KDM5B: variants seen among roughly 807,000 people sequenced by gnomAD.
KDM5B encodes lysine demethylase 5B, also known as lysine-specific demethylase 5B.
A neutral mutation model predicts 193.4 loss-of-function variants in KDM5B; 144 were observed. The ratio of observed to expected loss-of-function variants is 0.74; its 90% confidence interval spans 0.65 to 0.86. KDM5B has a LOEUF of 0.86. KDM5B is among the 40% of genes least tolerant of loss of function. The pLI is 0.00. For synonymous variants in KDM5B, 668 were observed against 682.6 expected (o/e 0.98, Z 0.33); for missense variants, 1,833 against 1,886.9 (o/e 0.97, Z 0.53).
At position 202,727,394 on chromosome 1, in the gene KDM5B, C is replaced by T. The variant is rs1654712447; in HGVS notation, c.*1642G>A. ...CACAACAACTGCAGAAAACTGCAGA[C>T]AACTAGAAGTCATTCTTAAAGAGAT... On this transcript the variant is annotated 3_prime_UTR_variant, in exon 27 of 27. Coordinates refer to ENST00000367265, the MANE Select transcript of KDM5B (RefSeq NM_006618.5). The T allele has an allele frequency of 6.6e-6, 1 of 152,530 alleles. No individual in the cohort carries two copies. Among genetic ancestry groups the T allele is most frequent in the African/African-American group, 2.4e-5 (1 of 41,418 alleles). 9.4% of individuals were successfully genotyped at this position (152,530 alleles called of 1,614,324 possible). A position where few individuals can be genotyped will look rare whatever the true frequency, so the allele number is the denominator to read the frequency against.
chr1:202,729,547 T>A, intron 26 of KDM5B, 160 bp downstream of exon 26: 1 of 634,504 alleles, frequency 1.6e-6, no homozygotes, highest in Non-Finnish European at 2.7e-6. Flanking sequence ...CCAGGAACGA[T>A]GGTAAGAGCA....
At position 202,808,282 on chromosome 1, in the gene KDM5B, G is replaced by A. The variant is rs1658398832; in HGVS notation, c.24C>T (p.His8=). The change falls in exon 1 of 27, where the codon CAC becomes CAT. Residue 8 remains histidine, a synonymous_variant. Coordinates refer to ENST00000367265, the MANE Select transcript of KDM5B (RefSeq NM_006618.5). ...GGGGCAGCGCCGGGCGCGGGCCTGG[G>A]TGCAGTGTGGTGGCCGCCTCCATCA... MEAATTL[H]PGPRPALPLG... 1 of 1,604,102 alleles carries A rather than the reference G, an allele frequency of 6.2e-7. No homozygotes were observed. The highest frequency in any genetic ancestry group is 1.3e-5 in the African/African-American group (1 of 74,614).
rs368802352 is a variant in KDM5B at position 202,765,851 on chromosome 1, A to G, written c.711+1075T>C. Among the ~76,000 whole-genome samples the G allele has an allele frequency of 1.1e-4, 17 of 152,280 alleles. 1 individual carries two copies. The highest frequency in any genetic ancestry group is 6.5e-4 in the Admixed American group (10 of 15,292). On this transcript the variant is annotated intron_variant, in intron 5 of 26. Coordinates refer to ENST00000367265, the MANE Select transcript of KDM5B (RefSeq NM_006618.5). ...CCCAGCTCTAAACAGTTCCCTATAT[A>G]TTATCTCTGAGTCCTAAAACTCACA...
chr1:202,729,682 C>A, intron 26 of KDM5B, 25 bp downstream of exon 26: 1 of 1,594,078 alleles, frequency 6.3e-7, no homozygotes, highest in Non-Finnish European at 8.6e-7. Flanking sequence ...GAAAGCACGT[C>A]CTCTATGGCC....
chr1:202,779,042 A>T (rs1657082993), intron 1 of KDM5B, among the ~76,000 whole-genome samples: 1 of 152,222 alleles, frequency 6.6e-6, no homozygotes, highest in South Asian at 2.1e-4. Flanking sequence ...AAAAAGGCTC[A>T]CAATAGTGGT....
At position 202,733,753 on chromosome 1, in the gene KDM5B, G is replaced by A; in HGVS notation, c.3557C>T (p.Ala1186Val). 1 of 1,614,178 alleles carries A rather than the reference G, an allele frequency of 6.2e-7. No homozygotes were observed. The highest frequency in any genetic ancestry group is 8.5e-7 in the Non-Finnish European group (1 of 1,180,028). The part of the protein sequence containing the change: ...IKICLCQKAP[A>V]APMIQCELCR... Reference sequence around the variant, plus strand: ...GAGTTCACATTGAATCATAGGGGCAGCTGGGGCCTTCTGACATAGGCAGAT... The same window carrying A: ...GAGTTCACATTGAATCATAGGGGCAACTGGGGCCTTCTGACATAGGCAGAT... The change falls in exon 23 of 27, where the codon GCT becomes GTT. Residue 1186 changes from alanine to valine, a missense_variant. Around this residue, in one of 3 missense-constraint regions of KDM5B, gnomAD observed 1,379 missense variants for 1,349.6 expected, o/e 1.02. Coordinates refer to ENST00000367265, the MANE Select transcript of KDM5B (RefSeq NM_006618.5).
chr1:202,747,578 A>AAC (rs1655611226), intron 14 of KDM5B, among the ~76,000 whole-genome samples: 2 of 151,932 alleles, frequency 1.3e-5, no homozygotes, highest in Admixed American at 1.3e-4. Flanking sequence ...TTAAAAAAAA[A>AAC]AAAAAAAACA....
chr1:202,771,879 T>A (rs899927015), intron 4 of KDM5B, among the ~76,000 whole-genome samples: 1 of 151,976 alleles, frequency 6.6e-6, no homozygotes, highest in Non-Finnish European at 1.5e-5. Context: ...CGCGCCCGGC[T>A]CACATTCAAC....
chr1:202,792,951 C>G (rs1657698322), intron 1 of KDM5B, among the ~76,000 whole-genome samples: 1 of 151,036 alleles, frequency 6.6e-6, no homozygotes, highest in African/African-American at 2.4e-5. Flanking sequence ...GAGCCAAGAC[C>G]GTGCCATTGC....
chr1:202,747,958 A>AT (rs1297343120), intron 14 of KDM5B, among the ~76,000 whole-genome samples: 9 of 152,070 alleles, frequency 5.9e-5, no homozygotes, highest in African/African-American at 1.7e-4. Context: ...AGATAAAACA[A>AT]TTTTTTAAAA....
At position 202,732,131 on chromosome 1, in the gene KDM5B, G is replaced by C. The variant is rs1162941449; in HGVS notation, c.3910-192C>G. On this transcript the variant is annotated intron_variant, in intron 23 of 26. Transcript: ENST00000367265. ...CCAAATCAACTCATATCTTCCCAAA[G>C]ACCAAGCCTTTAATCTTTCCAGTTT... 20 of 538,456 alleles carry C rather than the reference G, an allele frequency of 3.7e-5. No homozygotes were observed. The South Asian group carries it at 4.3e-4, about 12-fold the overall frequency. The allele number at this position is 538,456 out of a possible 1,614,324, so 33.4% of individuals were successfully genotyped here.
In KDM5B at chr1:202,733,675, C is replaced by T. The variant is rs754820992; in HGVS notation, c.3635G>A (p.Gly1212Asp). The change falls in exon 23 of 27, where the codon GGC (glycine) becomes GAC (aspartate). Residue 1212 changes from glycine to aspartate, a missense_variant. Physicochemically the swap from Gly to Asp is moderately conservative, Grantham distance 94. Transcript: ENST00000367265. ...SCVAVPSISQ[G>D]LRIWLCPHCR... ...ATGGGGACAAAGCCAGATTCGCAGGCCCTGTGAAATACTGGGTACCGCCAC... is the reference window on the plus strand; with the variant it reads ...ATGGGGACAAAGCCAGATTCGCAGGTCCTGTGAAATACTGGGTACCGCCAC... 5 of 1,614,138 alleles carry T rather than the reference C, an allele frequency of 3.1e-6. No individual in the cohort carries two copies. Among genetic ancestry groups the T allele is most frequent in the Non-Finnish European group, 3.4e-6 (4 of 1,180,024 alleles).
chr1:202,784,891 G>A (rs919952652), intron 1 of KDM5B, among the ~76,000 whole-genome samples: 26 of 151,942 alleles, frequency 1.7e-4, no homozygotes, highest in Admixed American at 1.5e-3. Flanking sequence ...AAAATTGGCC[G>A]GGCATTGTGG....
At chr1:202,747,569 T>TA (rs71564198) in intron 14 of KDM5B, among the ~76,000 whole-genome samples, 3,862 of 129,108 alleles carry the variant, frequency 0.03, 73 homozygotes, top group African/African-American at 0.058. Context: ...CACATATTTT[T>TA]AAAAAAAAAA....
At chr1:202,780,237 A>G (rs1323731808) in intron 1 of KDM5B, among the ~76,000 whole-genome samples, 1 of 152,086 alleles carries the variant, frequency 6.6e-6, no homozygotes, top group East Asian at 1.9e-4. Flanking sequence ...CTGGAATGCA[A>G]TGGCACAGTC....
rs1185279885 is a variant in KDM5B, at chr1:202,749,076, G to A, written c.1885C>T (p.His629Tyr). ...GCCATCTTGCAGATCATCTCATCGT[G>A]GGAAAACACACAATATCGATGAAGC... ...RLLHRYCVFSHDEMICKMASK... is the reference protein window; with the variant it reads ...RLLHRYCVFSYDEMICKMASK... Residue 629 changes from histidine (H) to tyrosine (Y), a missense_variant, in exon 14 of 27, where the codon CAC (histidine) becomes TAC (tyrosine). This residue lies in a region of KDM5B where 1,379 missense variants were observed against 1,349.6 expected (regional missense o/e 1.02). Coordinates refer to ENST00000367265, the MANE Select transcript of KDM5B (RefSeq NM_006618.5). The A allele has an allele frequency of 6.2e-7, 1 of 1,614,016 alleles. No individual in the cohort carries two copies.
At position 202,729,133 on chromosome 1, in the gene KDM5B, A is replaced by C; in HGVS notation, c.4538T>G (p.Phe1513Cys). The C allele has an allele frequency of 6.2e-7, 1 of 1,614,128 alleles. No individual in the cohort carries two copies. The highest frequency in any genetic ancestry group is 8.5e-7 in the Non-Finnish European group (1 of 1,179,986). Residue 1513 changes from phenylalanine (F) to cysteine (C), a missense_variant, in exon 27 of 27, where the codon TTT (phenylalanine) becomes TGT (cysteine). Around this residue, in one of 3 missense-constraint regions of KDM5B, gnomAD observed 1,379 missense variants for 1,349.6 expected, o/e 1.02. Coordinates refer to ENST00000367265, the MANE Select transcript of KDM5B (RefSeq NM_006618.5). ...GGAGACACCAACACAGACCTGATGA[A>C]ACCACTGATTGCAGCTGCCATCACA... ...VQCDGSCNQW[F>C]HQVCVGVSPE... is the part of the protein sequence containing the mutation.
chr1:202,789,529 T>C (rs551451384), intron 1 of KDM5B, among the ~76,000 whole-genome samples: 1 of 9,042 alleles, frequency 1.1e-4, no homozygotes, highest in Middle Eastern at 0.071. Context: ...AGAGCGAGAC[T>C]CCACAGGAAA....
chr1:202,761,502 A>G (rs1656248451), intron 7 of KDM5B, among the ~76,000 whole-genome samples: 1 of 152,220 alleles, frequency 6.6e-6, no homozygotes, highest in Non-Finnish European at 1.5e-5. Context: ...GCCCAGTGAT[A>G]AAGCATAGTT....
Sources: allele counts gnomAD v4.1 joint callset (sites outside exome capture counted in the v4.1 genomes callset), GRCh38; gene constraint gnomAD v4.1.1; regional missense constraint gnomAD v4.1.1; transcripts MANE v1.5; gene names NCBI Gene and HGNC (gene_info 2026-07-23, HGNC 2026-07-21).